The following CD2AP variants were observed in gnomAD, a reference collection of about 807,000 sequenced individuals.
CD2AP encodes the protein CD2 associated protein.
In CD2AP, 46 loss-of-function variants were observed where a neutral mutation model predicts 85.1. That is an observed-to-expected ratio of 0.54 (90% CI 0.43 to 0.69). The LOEUF is 0.69. Ranked by LOEUF, CD2AP falls within the 30% of genes least tolerant of loss-of-function variation. The probability of loss-of-function intolerance (pLI) is 0.00; values close to 1 mark genes in which losing one functional copy is unlikely to be tolerated. For synonymous variants in CD2AP, 255 were observed against 252.9 expected, an observed-to-expected ratio of 1.01 and a Z score of -0.08; for missense variants, 769 against 729.5, an observed-to-expected ratio of 1.05 and a Z score of -0.62.
intron 11 of CD2AP, among the ~76,000 whole-genome samples, chr6:47,591,005 A>G (rs1043354113): frequency 6.6e-6 from 1 of 152,206 alleles, no homozygotes; most frequent in Admixed American, 6.5e-5. Flanking sequence ...CATTCAGTGC[A>G]ATTTATAACA....
At chr6:47,562,106 T>A (rs1283201642) in intron 5 of CD2AP, among the ~76,000 whole-genome samples, 1 of 152,230 alleles carries the variant, frequency 6.6e-6, no homozygotes, top group Non-Finnish European at 1.5e-5. Flanking sequence ...TTCTTCCAAG[T>A]TTTAGTTATC....
chr6:47,546,946 C>G (rs1375284802), intron 4 of CD2AP, among the ~76,000 whole-genome samples: 2 of 152,020 alleles, frequency 1.3e-5, no homozygotes, highest in Admixed American at 6.6e-5. Flanking sequence ...ATGAAGGAAA[C>G]ATACAGTCTT....
intron 5 of CD2AP, among the ~76,000 whole-genome samples, chr6:47,570,037 C>T (rs1213602700): frequency 1.3e-5 from 2 of 152,150 alleles, no homozygotes; most frequent in African/African-American, 4.8e-5. Context: ...CGCACCCACA[C>T]CTGCATGATC....
At chr6:47,565,292 AG>A (rs892260385) in intron 5 of CD2AP, among the ~76,000 whole-genome samples, 1 of 152,138 alleles carries the variant, frequency 6.6e-6, no homozygotes, top group Non-Finnish European at 1.5e-5. Context: ...TTGCTTTGCT[AG>A]GAAAGTGTTA....
chr6:47,558,492 G>A (rs763372452), intron 5 of CD2AP, among the ~76,000 whole-genome samples: 4 of 152,162 alleles, frequency 2.6e-5, no homozygotes, highest in Non-Finnish European at 5.9e-5. Context: ...ATTGAGATAT[G>A]TTCCATCAAT....
intron 12 of CD2AP, among the ~76,000 whole-genome samples, chr6:47,597,388 A>G (rs1176164343): frequency 6.6e-6 from 1 of 150,664 alleles, no homozygotes; most frequent in African/African-American, 2.4e-5. Context: ...TGATGATGTT[A>G]GAAAAGCCAA....
intron 16 of CD2AP, among the ~76,000 whole-genome samples, chr6:47,609,989 A>T (rs1217897472): frequency 6.6e-6 from 1 of 152,196 alleles, no homozygotes; most frequent in Non-Finnish European, 1.5e-5. Flanking sequence ...TGAGTTGGAC[A>T]TTTATAAAAT....
intron 2 of CD2AP, among the ~76,000 whole-genome samples, chr6:47,513,534 AT>A (rs1766371979): frequency 6.6e-6 from 1 of 151,790 alleles, no homozygotes; most frequent in Admixed American, 6.6e-5. Flanking sequence ...AATAAGTGGT[AT>A]TTTAGTGTTT....
At chr6:47,527,380 G>T (rs1766758309) in intron 2 of CD2AP, among the ~76,000 whole-genome samples, 1 of 152,168 alleles carries the variant, frequency 6.6e-6, no homozygotes, top group South Asian at 2.1e-4. Flanking sequence ...TTATATCCAA[G>T]AGACCAAAGT....
At chr6:47,532,269 G>A (rs1766901541) in intron 2 of CD2AP, among the ~76,000 whole-genome samples, 1 of 151,062 alleles carries the variant, frequency 6.6e-6, no homozygotes, top group Admixed American at 6.6e-5. Flanking sequence ...CTCGAGCCCA[G>A]AAGGTGGAGG....
At chr6:47,581,518 G>A (rs1768479496) in intron 10 of CD2AP, among the ~76,000 whole-genome samples, 1 of 152,024 alleles carries the variant, frequency 6.6e-6, no homozygotes, top group African/African-American at 2.4e-5. Flanking sequence ...TAATCCTAGA[G>A]CAAAGAAAAC....
chr6:47,505,368 C>G (rs1434738947), intron 2 of CD2AP, among the ~76,000 whole-genome samples: 1 of 149,782 alleles, frequency 6.7e-6, no homozygotes, highest in East Asian at 2.0e-4. Context: ...TCAACAGGAT[C>G]CCAAGACAGA....
chr6:47,557,289 G>C (rs1448546770), intron 5 of CD2AP, among the ~76,000 whole-genome samples: 5 of 151,830 alleles, frequency 3.3e-5, no homozygotes, highest in Non-Finnish European at 7.4e-5. Context: ...TGTTCACTCT[G>C]ATGATAGTTT....
intron 3 of CD2AP, among the ~76,000 whole-genome samples, chr6:47,535,965 A>T (rs1015413772): frequency 1.3e-5 from 2 of 152,224 alleles, no homozygotes; most frequent in Non-Finnish European, 2.9e-5. Flanking sequence ...ATAGGAAAGG[A>T]TACAGTAAAT....
intron 1 of CD2AP, among the ~76,000 whole-genome samples, chr6:47,497,037 A>T (rs1765873661): frequency 6.6e-6 from 1 of 152,126 alleles, no homozygotes; most frequent in South Asian, 2.1e-4. Context: ...CAAGGCTGTT[A>T]ACATTTCTAT....
At chr6:47,502,777 C>T (rs1439294712) in intron 1 of CD2AP, among the ~76,000 whole-genome samples, 1 of 151,828 alleles carries the variant, frequency 6.6e-6, no homozygotes, top group East Asian at 1.9e-4. Context: ...CAGATGTGAG[C>T]TATTGCACCT....
At chr6:47,546,463 A>G (rs1582542375) in intron 4 of CD2AP, among the ~76,000 whole-genome samples, 1 of 152,232 alleles carries the variant, frequency 6.6e-6, no homozygotes, top group Admixed American at 6.5e-5. Flanking sequence ...CAGCCTTGCT[A>G]CAGACCTAGA....
At chr6:47,527,392 A>C (rs1377408997) in intron 2 of CD2AP, among the ~76,000 whole-genome samples, 1 of 152,218 alleles carries the variant, frequency 6.6e-6, no homozygotes, top group Non-Finnish European at 1.5e-5. Flanking sequence ...GACCAAAGTG[A>C]TTCCAATAGG....
At position 47,533,671 on chromosome 6, in the gene CD2AP, G is replaced by A. The variant is rs867256100; in HGVS notation, c.235G>A (p.Ala79Thr). The change falls in exon 3 of 18, where the codon GCA (alanine) becomes ACA (threonine). Residue 79 changes from alanine to threonine, a missense_variant. Physicochemically the swap from Ala to Thr is moderately conservative, Grantham distance 58. Coordinates refer to ENST00000359314, the MANE Select transcript of CD2AP (RefSeq NM_012120.3). ...CAAACGGGAAAGGCATGGGAATGTAGCAAGTCTTGTACAACGAATAAGCAC... is the reference window on the plus strand; with the variant it reads ...CAAACGGGAAAGGCATGGGAATGTAACAAGTCTTGTACAACGAATAAGCAC... Reference protein sequence around the residue: ...PIKRERHGNVASLVQRISTYG... With the variant: ...PIKRERHGNVTSLVQRISTYG... The A allele has an allele frequency of 6.2e-7, 1 of 1,613,944 alleles. No individual in the cohort carries two copies. The highest frequency in any genetic ancestry group is 2.2e-5 in the East Asian group (1 of 44,876).
Sources: allele counts gnomAD v4.1 joint callset (sites outside exome capture counted in the v4.1 genomes callset), GRCh38; gene constraint gnomAD v4.1.1; transcripts MANE v1.5; gene names NCBI Gene and HGNC (gene_info 2026-07-23, HGNC 2026-07-21).